LOXL3: variants seen among roughly 807,000 people sequenced by gnomAD.
The protein encoded by LOXL3 is lysyl oxidase homolog 3.
LOXL3 carries 60 observed loss-of-function variants against 91.8 expected under a neutral mutation model. That is an observed-to-expected ratio of 0.65 (90% confidence interval 0.53 to 0.81). The LOEUF (loss-of-function observed/expected upper bound fraction) is 0.81, where lower values mean the gene tolerates loss of function less well. LOXL3 is among the 30% of genes least tolerant of loss of function. The probability of loss-of-function intolerance (pLI) is 0.00; values close to 1 mark genes in which losing one functional copy is unlikely to be tolerated. For missense variants in LOXL3, 874 were observed against 1,000.4 expected, an observed-to-expected ratio of 0.87 and a Z score of 1.70; for synonymous variants, 355 against 387.6, an observed-to-expected ratio of 0.92 and a Z score of 0.99.
At chr2:74,534,966 C>T (rs978789932) in intron 9 of LOXL3, among the ~76,000 whole-genome samples, 192 bp from the exon 10 acceptor site, 1 of 152,196 alleles carries the variant, frequency 6.6e-6, no homozygotes, top group African/African-American at 2.4e-5. Context: ...GCAACCTCTG[C>T]CACCTGGGTT....
At chr2:74,541,590 T>C (rs1676324577) in intron 4 of LOXL3, among the ~76,000 whole-genome samples, 1 of 152,182 alleles carries the variant, frequency 6.6e-6, no homozygotes, top group Non-Finnish European at 1.5e-5. Flanking sequence ...AAATGTCTTT[T>C]TCTCAAACAT....
At chr2:74,548,507 C>T (rs1355677634) in intron 4 of LOXL3, among the ~76,000 whole-genome samples, 3 of 152,094 alleles carry the variant, frequency 2.0e-5, no homozygotes, top group Non-Finnish European at 4.4e-5. Flanking sequence ...AGTAGTGTGC[C>T]CGCGGAAACC....
chr2:74,552,753 C>A, intron 1 of LOXL3, 107 bp from the exon 2 acceptor site: 1 of 985,064 alleles, frequency 1.0e-6, no homozygotes, highest in Admixed American at 2.9e-5. Context: ...CTGAGTAAGA[C>A]AGAGACAGCG....
chr2:74,535,842 A>G lies in LOXL3; in HGVS notation c.1249-87T>C, dbSNP rs1485478520. ...AACAGATGTGGCTGAAGCGTGACTC[A>G]GGCACATAATGGGCTAGCAAGTGAT... On this transcript the variant is annotated intron_variant, in intron 7 of 13. Transcript: ENST00000264094. The surrounding 1 kb of genome is among the most constrained non-coding windows in gnomAD (Gnocchi z 4.2). 6.7e-6 allele frequency: 10 copies of G among 1,495,306 alleles called. No individual in the cohort carries two copies. The highest frequency in any genetic ancestry group is 8.9e-6 in the Non-Finnish European group (10 of 1,122,310). The allele number at this position is 1,495,306 out of a possible 1,614,324, so 92.6% of individuals were successfully genotyped here. A position where few individuals can be genotyped will look rare whatever the true frequency, so the allele number is the denominator to read the frequency against.
chr2:74,532,913 C>A lies in LOXL3; in HGVS notation c.*693G>T. The A allele has an allele frequency of 6.2e-7, 1 of 1,613,956 alleles. No individual in the cohort carries two copies. The highest frequency in any genetic ancestry group is 8.5e-7 in the Non-Finnish European group (1 of 1,179,984). ...TTTATGAAGCTGTTCGAACCCAATC[C>A]CAGTTGGCAGTGCAGATCCGGCGGG... On this transcript the variant is annotated 3_prime_UTR_variant, in exon 14 of 14. Transcript: ENST00000264094.
chr2:74,554,435 A>C, upstream of LOXL3: 2 of 417,420 alleles, frequency 4.8e-6, no homozygotes, highest in South Asian at 2.9e-5. The surrounding 1 kb of genome is among the most constrained non-coding windows in gnomAD (Gnocchi z 4.9). Flanking sequence ...TTTCACTCTG[A>C]CGTCACCTTG....
Position 74,552,526 on chromosome 2 carries a change from CCTT to C in LOXL3, c.106_108del (p.Lys36del), listed in dbSNP as rs1274995640. 5 of 1,613,344 alleles carry C rather than the reference CCTT, an allele frequency of 3.1e-6. No individual in the cohort carries two copies. Among genetic ancestry groups the C allele is most frequent in the Non-Finnish European group, 4.2e-6 (5 of 1,179,864 alleles). ...CGGAACCGAAGCCCCTGGCTCCCGGCCTTCTTCTCAGGGCCCGTGGAAGGGGAC... is the reference window on the plus strand; with the variant it reads ...CGGAACCGAAGCCCCTGGCTCCCGGCCTTCTCAGGGCCCGTGGAAGGGGAC... On this transcript the variant is annotated inframe_deletion, in exon 2 of 14. Transcript: ENST00000264094.
upstream of LOXL3, chr2:74,555,130 C>T (rs762574239): frequency 1.1e-4 from 178 of 1,595,356 alleles, no homozygotes; most frequent in Non-Finnish European, 1.5e-4. This position sits in a 1 kb window ranked among gnomAD's most constrained non-coding sequence, Gnocchi z 6.1. Context: ...CACTCCCTCT[C>T]GAGCACTCTC....
chr2:74,547,187 T>A (rs181325425), intron 4 of LOXL3, among the ~76,000 whole-genome samples: 1 of 152,016 alleles, frequency 6.6e-6, no homozygotes, highest in East Asian at 1.9e-4. Context: ...ATTTTATTTT[T>A]AAAAAATTAT....
rs2104391175 is a variant in LOXL3, at chr2:74,534,742, C to T, written c.1612G>A (p.Val538Met). ...TCTTCGATGTAGGCGGTCTCCTGCA[C>T]CAGTGCTGAGTGCAGCAACAGATCT... is the stretch of plus-strand genomic sequence containing the variant. The part of the protein sequence containing the change: ...ASDLLLHSAL[V>M]QETAYIEDRP... Residue 538 changes from valine (V) to methionine (M), a missense_variant, in exon 10 of 14, where the codon GTG (valine) becomes ATG (methionine). Transcript: ENST00000264094. 6.2e-7 allele frequency: 1 copy of T among 1,614,058 alleles called. No individual in the cohort carries two copies. The highest frequency in any genetic ancestry group is 2.2e-5 in the East Asian group (1 of 44,888).
chr2:74,552,942 A>G, intron 1 of LOXL3: 2 of 344,840 alleles, frequency 5.8e-6, no homozygotes, highest in Non-Finnish European at 1.1e-5. Flanking sequence ...TGAGCAAGAG[A>G]CACGTAGAGA....
chr2:74,553,472 G>A (rs1335579531), intron 1 of LOXL3, among the ~76,000 whole-genome samples: 1 of 152,182 alleles, frequency 6.6e-6, no homozygotes, highest in Non-Finnish European at 1.5e-5. Context: ...CCCTGTCACC[G>A]GGCAACGGGA....
chr2:74,534,749 T>C lies in LOXL3; in HGVS notation c.1605A>G (p.Ser535=). 5 of 1,613,932 alleles carry C rather than the reference T, an allele frequency of 3.1e-6. No homozygotes were observed. Among genetic ancestry groups the C allele is most frequent in the Non-Finnish European group, 4.2e-6 (5 of 1,179,962 alleles). The part of the protein sequence containing the change: ...SETASDLLLH[S]ALVQETAYIE... ...TGTAGGCGGTCTCCTGCACCAGTGC[T>C]GAGTGCAGCAACAGATCTGATGCAG... Residue 535 remains serine, a synonymous_variant, in exon 10 of 14, where the codon TCA becomes TCG. Coordinates refer to ENST00000264094, the MANE Select transcript of LOXL3 (RefSeq NM_032603.5).
rs1371211299 is a variant in LOXL3, at chr2:74,536,790, T to C, written c.831A>G (p.Ala277=). The C allele has an allele frequency of 6.2e-7, 1 of 1,614,030 alleles. No homozygotes were observed. Among genetic ancestry groups the C allele is most frequent in the South Asian group, 1.1e-5 (1 of 91,090 alleles). The part of the protein sequence containing the change: ...DTARCPGGGP[A]VVSCVPGPVY... ...CAGGGCCTGGCACACAGCTCACCAC[T>C]GCAGGGCCCCCCCCAGGGCACCTGG... The change falls in exon 5 of 14, where the codon GCA becomes GCG. Residue 277 remains alanine (A), a synonymous_variant. Coordinates refer to ENST00000264094, the MANE Select transcript of LOXL3 (RefSeq NM_032603.5). The surrounding 1 kb of genome is among the most constrained non-coding windows in gnomAD (Gnocchi z 4.5).
rs969774550 is a variant in LOXL3 at position 74,536,080 on chromosome 2, G to A, written c.1164C>T (p.His388=). 6 of 1,613,424 alleles carry A rather than the reference G, an allele frequency of 3.7e-6. No individual in the cohort carries two copies. The highest frequency in any genetic ancestry group is 4.2e-6 in the Non-Finnish European group (5 of 1,179,710). ...GQELSLWKCP[H]KNITAEDCSH... ...AACAATCCTCAGCTGTGATGTTCTT[G>A]TGGGGGCACTTCCAGAGGGAGAGCT... is the stretch of plus-strand genomic sequence containing the variant. The change falls in exon 7 of 14, where the codon CAC becomes CAT. Residue 388 remains histidine (H), a synonymous_variant. Transcript: ENST00000264094. The surrounding 1 kb of genome is among the most constrained non-coding windows in gnomAD (Gnocchi z 4.5).
At chr2:74,534,470 C>G in intron 10 of LOXL3, 39 bp from the exon 11 acceptor site, 1 of 1,613,598 alleles carries the variant, frequency 6.2e-7, no homozygotes, top group Non-Finnish European at 8.5e-7. Flanking sequence ...TTCTCTGCCC[C>G]CAGAAGGTTT....
chr2:74,554,688 C>T, upstream of LOXL3: 2 of 1,551,190 alleles, frequency 1.3e-6, no homozygotes, highest in Non-Finnish European at 1.8e-6. The surrounding 1 kb of genome is among the most constrained non-coding windows in gnomAD (Gnocchi z 4.9). Flanking sequence ...TCCAGGGAAC[C>T]CGGCCCCGCC....
At position 74,550,342 on chromosome 2, in the gene LOXL3, A is replaced by G; in HGVS notation, c.320T>C (p.Ile107Thr). ...SAKYGPGTGR[I>T]WLDNLSCSGT... ...ACTGCAGCTCAAGTTGTCCAGCCAG[A>G]TGCGGCCTGTGGAAGGGGAGATGAA... Residue 107 changes from isoleucine (I) to threonine (T), a missense_variant, in exon 3 of 14, where the codon ATC becomes ACC. Ile to Thr is a moderately conservative substitution (Grantham distance 89). Coordinates refer to ENST00000264094, the MANE Select transcript of LOXL3 (RefSeq NM_032603.5). 6.2e-7 allele frequency: 1 copy of G among 1,613,362 alleles called. No homozygotes were observed. The highest frequency in any genetic ancestry group is 8.5e-7 in the Non-Finnish European group (1 of 1,179,594).
chr2:74,550,901 A>G (rs891213160), intron 2 of LOXL3, among the ~76,000 whole-genome samples: 18 of 148,994 alleles, frequency 1.2e-4, no homozygotes, highest in Non-Finnish European at 1.8e-4. Flanking sequence ...GTGCTGCCAT[A>G]TAGCCCCTTG....
Sources: allele counts gnomAD v4.1 joint callset (sites outside exome capture counted in the v4.1 genomes callset), GRCh38; gene constraint gnomAD v4.1.1; non-coding constraint Gnocchi (gnomAD v3.1); transcripts MANE v1.5; gene names NCBI Gene and HGNC (gene_info 2026-07-23, HGNC 2026-07-21).